CHSY3: variants seen among roughly 807,000 people sequenced by gnomAD.
CHSY3 encodes the protein N-acetylgalactosaminyl-proteoglycan 3-beta-glucuronosyltransferase 3.
A neutral mutation model predicts 67.2 loss-of-function variants in CHSY3; 35 were observed. That is an observed-to-expected ratio of 0.52 (90% CI 0.40 to 0.69). CHSY3 has a LOEUF of 0.69. CHSY3 is among the 30% of genes least tolerant of loss of function. The pLI, the probability that CHSY3 is intolerant of heterozygous loss-of-function variation, is 0.00. For missense variants in CHSY3, 1,069 were observed against 1,138.5 expected, an observed-to-expected ratio of 0.94 and a Z score of 0.88; for synonymous variants, 474 against 434.7, an observed-to-expected ratio of 1.09 and a Z score of -1.12.
At chr5:130,078,420 G>A (rs1258748228) in intron 2 of CHSY3, among the ~76,000 whole-genome samples, 5 of 152,092 alleles carry the variant, frequency 3.3e-5, no homozygotes, top group African/African-American at 1.2e-4. Flanking sequence ...CCCGGTCCCT[G>A]CAAAGCAGCT....
At chr5:129,990,618 A>G (rs1580621320) in intron 2 of CHSY3, among the ~76,000 whole-genome samples, 2 of 152,284 alleles carry the variant, frequency 1.3e-5, no homozygotes, top group East Asian at 3.9e-4. Context: ...ATATTATTCC[A>G]GTAGCATTTT....
rs115417996 is a variant in CHSY3 at position 130,155,076 on chromosome 5, G to T, written c.1087-29153G>T. Among the ~76,000 whole-genome samples, 1,417 of 152,280 alleles carry T rather than the reference G, an allele frequency of 9.3e-3. 17 individuals carry two copies. The highest frequency in any genetic ancestry group is 0.032 in the African/African-American group (1,315 of 41,544). On this transcript the variant is annotated intron_variant, in intron 2 of 2. Transcript: ENST00000305031. ...TTTGGTATTGGTTAAGTGGTAGACC[G>T]CTACTCCCTGGGACATACTGTAATC...
intron 2 of CHSY3, among the ~76,000 whole-genome samples, chr5:130,014,130 G>A (rs1764143507): frequency 6.6e-6 from 1 of 152,112 alleles, no homozygotes; most frequent in South Asian, 2.1e-4. Context: ...CTACCTCATT[G>A]TCCATATCAC....
At chr5:130,061,903 C>T (rs931152545) in intron 2 of CHSY3, among the ~76,000 whole-genome samples, 3 of 149,080 alleles carry the variant, frequency 2.0e-5, no homozygotes, top group Non-Finnish European at 4.4e-5. Context: ...AAAAAAAAAA[C>T]AGATATTGGC....
At chr5:130,048,871 A>C (rs1765236240) in intron 2 of CHSY3, among the ~76,000 whole-genome samples, 2 of 152,004 alleles carry the variant, frequency 1.3e-5, no homozygotes, top group Non-Finnish European at 2.9e-5. Context: ...ATAATACAAA[A>C]TTTCAGTTAG....
At chr5:130,042,161 A>T (rs769976422) in intron 2 of CHSY3, among the ~76,000 whole-genome samples, 1 of 152,110 alleles carries the variant, frequency 6.6e-6, no homozygotes, top group Non-Finnish European at 1.5e-5. Flanking sequence ...CCTTTAGCCC[A>T]GGAGTTCAAG....
intron 2 of CHSY3, among the ~76,000 whole-genome samples, chr5:129,946,132 C>T (rs982647483): frequency 3.9e-5 from 6 of 152,042 alleles, no homozygotes; most frequent in African/African-American, 9.7e-5. Context: ...CTTTGTTCAC[C>T]AGTTATTTCT....
chr5:129,973,677 C>T (rs1046486154), intron 2 of CHSY3, among the ~76,000 whole-genome samples: 1 of 152,098 alleles, frequency 6.6e-6, no homozygotes, highest in Non-Finnish European at 1.5e-5. Context: ...TGATTAAAGG[C>T]CTCATTACCT....
chr5:130,037,374 A>G (rs1485924678), intron 2 of CHSY3, among the ~76,000 whole-genome samples: 1 of 152,166 alleles, frequency 6.6e-6, no homozygotes, highest in Non-Finnish European at 1.5e-5. Flanking sequence ...ACAAATCATG[A>G]TGTGCCCACA....
chr5:130,029,474 T>G (rs1023246025), intron 2 of CHSY3, among the ~76,000 whole-genome samples: 2 of 152,086 alleles, frequency 1.3e-5, no homozygotes, highest in African/African-American at 4.8e-5. Flanking sequence ...CCAAGCCCTG[T>G]ACTGTTAATG....
chr5:130,178,166 T>C (rs1580802905), intron 2 of CHSY3, among the ~76,000 whole-genome samples: 2 of 141,404 alleles, frequency 1.4e-5, no homozygotes, highest in East Asian at 4.0e-4. Flanking sequence ...TTTAGTATTA[T>C]ATGTATATAT....
At chr5:130,004,789 G>T (rs1763825217) in intron 2 of CHSY3, among the ~76,000 whole-genome samples, 1 of 152,042 alleles carries the variant, frequency 6.6e-6, no homozygotes, top group South Asian at 2.1e-4. Flanking sequence ...AATGAGATAG[G>T]TCATGAGTAG....
intron 1 of CHSY3, 57 bp from the exon 2 acceptor site, chr5:129,908,020 C>A (rs1760381453): frequency 6.4e-7 from 1 of 1,568,952 alleles, no homozygotes; most frequent in Non-Finnish European, 8.6e-7. Context: ...TTACCTTGTA[C>A]ATGATAAGTG....
chr5:129,904,769 C>G lies in CHSY3; in HGVS notation c.-61C>G, dbSNP rs150855250. 5.4e-6 allele frequency: 7 copies of G among 1,300,564 alleles called. No homozygotes were observed. Among genetic ancestry groups the G allele is most frequent in the Non-Finnish European group, 6.8e-6 (7 of 1,025,976 alleles). The allele number at this position is 1,300,564 out of a possible 1,614,324, so 80.6% of individuals were successfully genotyped here. A position where few individuals can be genotyped will look rare whatever the true frequency, so the allele number is the denominator to read the frequency against. ...AGGCGGAGGAGGGGCGGGTGTGAGC[C>G]GGGGAAACCGCGTGCCGCGCCGCGA... On this transcript the variant is annotated 5_prime_UTR_variant, in exon 1 of 3. Coordinates refer to ENST00000305031, the MANE Select transcript of CHSY3 (RefSeq NM_175856.5).
At chr5:129,951,757 T>C (rs1438686364) in intron 2 of CHSY3, among the ~76,000 whole-genome samples, 1 of 152,240 alleles carries the variant, frequency 6.6e-6, no homozygotes, top group Non-Finnish European at 1.5e-5. Context: ...TGTAGATACT[T>C]GGCTTTGTAA....
intron 2 of CHSY3, among the ~76,000 whole-genome samples, chr5:130,158,969 T>G (rs80079138): frequency 0.042 from 6,405 of 151,848 alleles, 371 homozygotes; most frequent in East Asian, 0.27. Flanking sequence ...TCCTGCTAAT[T>G]TTTCTATTTT....
At chr5:129,969,029 A>T (rs1376922826) in intron 2 of CHSY3, among the ~76,000 whole-genome samples, 1 of 151,846 alleles carries the variant, frequency 6.6e-6, no homozygotes, top group Non-Finnish European at 1.5e-5. Flanking sequence ...AATGCTTATG[A>T]TTAATGGATA....
chr5:130,158,175 T>G (rs35068834), intron 2 of CHSY3, among the ~76,000 whole-genome samples: 1 of 152,194 alleles, frequency 6.6e-6, no homozygotes, highest in Non-Finnish European at 1.5e-5. Context: ...TGACTTAGAA[T>G]GGCTAACTCA....
chr5:130,086,499 T>C (rs1392618497), intron 2 of CHSY3, among the ~76,000 whole-genome samples: 2 of 152,116 alleles, frequency 1.3e-5, no homozygotes, highest in African/African-American at 4.8e-5. Flanking sequence ...TGAGCCTATG[T>C]GTGTCTCTGC....
Sources: gnomAD v4.1 joint callset for allele counts (sites outside exome capture counted in the v4.1 genomes callset) on GRCh38, gnomAD v4.1.1 for gene constraint, MANE v1.5 for transcripts, NCBI Gene and HGNC (gene_info 2026-07-23, HGNC 2026-07-21) for gene names.